Variants in SMYD3 observed in about 807,000 individuals in gnomAD.
SMYD3 encodes histone-lysine N-methyltransferase SMYD3.
SMYD3 carries 36 observed loss-of-function variants against 57.7 expected under a neutral mutation model. That is an observed-to-expected ratio of 0.62 (90% CI 0.48 to 0.82). SMYD3 has a LOEUF of 0.82. SMYD3 is among the 40% of genes least tolerant of loss of function. The pLI, the probability that SMYD3 is intolerant of heterozygous loss-of-function variation, is 0.00. For missense variants in SMYD3, 515 were observed against 538.8 expected (o/e 0.96, Z 0.44); for synonymous variants, 211 against 195.0 (o/e 1.08, Z -0.68).
At chr1:246,389,920 T>A (rs1445319720) in intron 1 of SMYD3, among the ~76,000 whole-genome samples, 1 of 152,188 alleles carries the variant, frequency 6.6e-6, no homozygotes, top group East Asian at 1.9e-4. Flanking sequence ...TACACTCAGC[T>A]GCCGTGGTGA....
intron 5 of SMYD3, among the ~76,000 whole-genome samples, chr1:246,045,466 T>C (rs554988458): frequency 1.3e-5 from 2 of 152,106 alleles, no homozygotes; most frequent in South Asian, 2.1e-4. Flanking sequence ...CCTTACACTT[T>C]ATACAAAAAT....
chr1:245,906,076 G>A lies in SMYD3; in HGVS notation c.813+9454C>T, dbSNP rs1485649003. On this transcript the variant is annotated intron_variant, in intron 8 of 11. Transcript: ENST00000490107. ...TATTAAGGAAAATCTCCAGGACACT[G>A]GGCTGGGCAAAGATATTTTGAGCAA... 3.3e-5 allele frequency among the ~76,000 whole-genome samples: 5 copies of A among 152,302 alleles called. No individual in the cohort carries two copies. The East Asian group carries it at 9.6e-4, about 29-fold the overall frequency.
chr1:246,397,406 A>G (rs2066691020), intron 1 of SMYD3, among the ~76,000 whole-genome samples: 1 of 152,176 alleles, frequency 6.6e-6, no homozygotes, highest in African/African-American at 2.4e-5. Flanking sequence ...ATCATATATT[A>G]GCTCTGTGAC....
intron 1 of SMYD3, among the ~76,000 whole-genome samples, chr1:246,394,491 C>T (rs188030237): frequency 6.6e-6 from 1 of 152,338 alleles, no homozygotes; most frequent in East Asian, 1.9e-4. Flanking sequence ...ATCATTTCCA[C>T]CAACCTTTGG....
At chr1:246,360,975 T>C (rs530509164) in intron 1 of SMYD3, among the ~76,000 whole-genome samples, 1 of 152,210 alleles carries the variant, frequency 6.6e-6, no homozygotes, top group African/African-American at 2.4e-5. Context: ...AAAAAGTTTC[T>C]GCACAGCAAA....
intron 8 of SMYD3, among the ~76,000 whole-genome samples, chr1:245,896,506 G>A (rs1371830772): frequency 1.3e-5 from 2 of 152,078 alleles, no homozygotes; most frequent in African/African-American, 4.8e-5. Flanking sequence ...GTGGCAGTAG[G>A]TACAAGCTGA....
chr1:245,817,533 C>A (rs1211838397), intron 10 of SMYD3, among the ~76,000 whole-genome samples: 1 of 152,088 alleles, frequency 6.6e-6, no homozygotes, highest in East Asian at 1.9e-4. Context: ...AGCAACGGAA[C>A]AAAGCTGGAC....
chr1:245,762,426 G>A (rs75817217), intron 11 of SMYD3, among the ~76,000 whole-genome samples: 3,030 of 152,278 alleles, frequency 0.02, 104 homozygotes, highest in African/African-American at 0.065. Context: ...TTTCCTGCAC[G>A]TTGTTTTTCT....
At chr1:245,915,951 T>A (rs940201298) in intron 7 of SMYD3, among the ~76,000 whole-genome samples, 1 of 152,228 alleles carries the variant, frequency 6.6e-6, no homozygotes, top group Non-Finnish European at 1.5e-5. Flanking sequence ...AACTGTTGTA[T>A]GTTTACTAAG....
At chr1:245,890,449 G>A (rs1340386986) in intron 8 of SMYD3, among the ~76,000 whole-genome samples, 1 of 152,074 alleles carries the variant, frequency 6.6e-6, no homozygotes, top group Non-Finnish European at 1.5e-5. Flanking sequence ...CTCAAAAGAC[G>A]ACATACAAAT....
chr1:245,971,554 G>A (rs2058304094), intron 5 of SMYD3, among the ~76,000 whole-genome samples: 1 of 152,138 alleles, frequency 6.6e-6, no homozygotes, highest in African/African-American at 2.4e-5. Flanking sequence ...CTCTCGTCTG[G>A]TTAGAACGCA....
intron 5 of SMYD3, among the ~76,000 whole-genome samples, chr1:246,278,817 T>C (rs1365215971): frequency 6.6e-6 from 1 of 152,180 alleles, no homozygotes; most frequent in Non-Finnish European, 1.5e-5. Flanking sequence ...TGATAATTCA[T>C]TATACAAAAT....
chr1:246,427,468 C>T (rs1364192272), intron 1 of SMYD3, among the ~76,000 whole-genome samples: 3 of 148,312 alleles, frequency 2.0e-5, no homozygotes, highest in South Asian at 2.1e-4. Context: ...TGCAGTGAGC[C>T]GAGATCCCGC....
intron 5 of SMYD3, among the ~76,000 whole-genome samples, chr1:246,063,932 G>C (rs66739676): frequency 6.6e-6 from 1 of 152,020 alleles, no homozygotes; most frequent in African/African-American, 2.4e-5. Context: ...AAGCCACCAC[G>C]CCCAGCCCAG....
rs2062948444 is a variant in SMYD3 at position 246,203,322 on chromosome 1, T to C, written c.531+123879A>G. The stretch of plus-strand genomic sequence containing the variant: ...ATATTGGGGATTTGTTCAGCCACCA[T>C]CAGACACAATCTCTGCTCCATCAAT... On this transcript the variant is annotated intron_variant, in intron 5 of 11. Coordinates refer to ENST00000490107, the MANE Select transcript of SMYD3 (RefSeq NM_001167740.2). This position sits in a 1 kb window ranked among gnomAD's most constrained non-coding sequence, Gnocchi z 4.6. Among the ~76,000 whole-genome samples the C allele has an allele frequency of 6.6e-6, 1 of 152,160 alleles. No individual in the cohort carries two copies. The highest frequency in any genetic ancestry group is 2.4e-5 in the African/African-American group (1 of 41,450).
rs78256350 is a variant in SMYD3 at position 245,956,962 on chromosome 1, C to T, written c.532-27025G>A. Among the ~76,000 whole-genome samples the T allele has an allele frequency of 4.4e-3, 675 of 152,286 alleles. 5 individuals are homozygous for T. Among genetic ancestry groups the T allele is most frequent in the African/African-American group, 0.015 (636 of 41,560 alleles). On this transcript the variant is annotated intron_variant, in intron 5 of 11. Coordinates refer to ENST00000490107, the MANE Select transcript of SMYD3 (RefSeq NM_001167740.2). ...ACCAAACCCCTGGAAAACTGATCACCATCTCAACATCTTATTAAACTAATT... is the reference window on the plus strand; with the variant it reads ...ACCAAACCCCTGGAAAACTGATCACTATCTCAACATCTTATTAAACTAATT...
intron 1 of SMYD3, among the ~76,000 whole-genome samples, chr1:246,483,933 C>G (rs573693220): frequency 6.6e-6 from 1 of 152,288 alleles, no homozygotes; most frequent in East Asian, 1.9e-4. Context: ...AGATGTGAAA[C>G]CTAAAAACAT....
chr1:246,009,878 C>T lies in SMYD3; in HGVS notation c.532-79941G>A, dbSNP rs2059249277. 5.4e-5 allele frequency among the ~76,000 whole-genome samples: 7 copies of T among 130,086 alleles called. No individual in the cohort carries two copies. In the South Asian group the frequency reaches 8.6e-4, roughly 16 times the overall value. 85.3% of individuals were successfully genotyped at this position (130,086 alleles called of 152,430 possible). ...AGGCTGAAGTGCAGTGGCGTGATCT[C>T]GGCTCACTGCAACCTCCGCTTCGTG... On this transcript the variant is annotated intron_variant, in intron 5 of 11. Coordinates refer to ENST00000490107, the MANE Select transcript of SMYD3 (RefSeq NM_001167740.2).
At chr1:246,443,163 C>T (rs998186952) in intron 1 of SMYD3, among the ~76,000 whole-genome samples, 5 of 152,108 alleles carry the variant, frequency 3.3e-5, no homozygotes, top group Non-Finnish European at 7.3e-5. Context: ...AGAAATTTTC[C>T]TCAACCTCCT....
Sources: gnomAD v4.1 joint callset for allele counts (sites outside exome capture counted in the v4.1 genomes callset) on GRCh38, gnomAD v4.1.1 for gene constraint, Gnocchi (gnomAD v3.1) non-coding constraint, MANE v1.5 for transcripts, NCBI Gene and HGNC (gene_info 2026-07-23, HGNC 2026-07-21) for gene names.